The following PELI2 variants were observed in gnomAD, a reference collection of about 807,000 sequenced individuals.
The protein encoded by PELI2 is E3 ubiquitin-protein ligase pellino homolog 2.
A neutral mutation model predicts 42.3 loss-of-function variants in PELI2; 23 were observed. That is an observed-to-expected ratio of 0.54 (90% CI 0.39 to 0.77). The LOEUF is 0.77. Ranked by LOEUF, PELI2 falls within the 30% of genes least tolerant of loss-of-function variation. PELI2 has a pLI of 0.00. For missense variants in PELI2, 463 were observed against 553.2 expected (o/e 0.84, Z 1.64); for synonymous variants, 245 against 212.2 (o/e 1.15, Z -1.34).
Position 56,136,642 on chromosome 14 carries a change from G to A in PELI2, c.77+17905G>A, listed in dbSNP as rs28406672. On this transcript the variant is annotated intron_variant, in intron 1 of 5. Coordinates refer to ENST00000267460, the MANE Select transcript of PELI2 (RefSeq NM_021255.3). Reference sequence around the variant, plus strand: ...TTACATCCTCTGATGTAATTTATTAGTGTAACTTAGTGAGTGTCAGGGGTT... The same window carrying A: ...TTACATCCTCTGATGTAATTTATTAATGTAACTTAGTGAGTGTCAGGGGTT... Among the ~76,000 whole-genome samples the A allele has an allele frequency of 1.7e-3, 265 of 152,322 alleles. 1 individual carries two copies. The highest frequency in any genetic ancestry group is 6.1e-3 in the African/African-American group (254 of 41,572).
chr14:56,259,127 T>G (rs1410110695), intron 2 of PELI2, among the ~76,000 whole-genome samples: 2 of 152,104 alleles, frequency 1.3e-5, no homozygotes, highest in Admixed American at 6.6e-5. Context: ...TAGCATAAAT[T>G]TCTTCAGAAG....
intron 2 of PELI2, among the ~76,000 whole-genome samples, chr14:56,182,980 CATCACCTT>C (rs1427217217): frequency 1.8e-4 from 27 of 152,212 alleles, no homozygotes; most frequent in African/African-American, 6.3e-4. Context: ...TCGGGAGAGT[CATCACCTT>C]ATCATCAGCC....
In PELI2 at chr14:56,180,665, G is replaced by A. The variant is rs1011274163; in HGVS notation, c.207+2201G>A. 6.6e-6 allele frequency among the ~76,000 whole-genome samples: 1 copy of A among 152,108 alleles called. No individual in the cohort carries two copies. The highest frequency in any genetic ancestry group is 1.5e-5 in the Non-Finnish European group (1 of 68,026). On this transcript the variant is annotated intron_variant, in intron 2 of 5. Transcript: ENST00000267460. The surrounding 1 kb of genome is among the most constrained non-coding windows in gnomAD (Gnocchi z 4.4). ...GACTCTCAAACTCTCGTCCCGGCCA[G>A]CTGTACCCGGCCACTCCTGCTGCTT...
intron 2 of PELI2, among the ~76,000 whole-genome samples, chr14:56,188,548 T>C (rs926113475): frequency 6.6e-6 from 1 of 152,248 alleles, no homozygotes; most frequent in Non-Finnish European, 1.5e-5. Context: ...ATGTATTCAG[T>C]GTGTTAACAT....
chr14:56,133,920 A>G (rs549302481), intron 1 of PELI2, among the ~76,000 whole-genome samples: 5 of 152,362 alleles, frequency 3.3e-5, no homozygotes, highest in Admixed American at 1.3e-4. Context: ...GAACATTCTT[A>G]TAAGGATGTC....
intron 1 of PELI2, among the ~76,000 whole-genome samples, chr14:56,177,742 CAA>C (rs775466898): frequency 6.6e-6 from 1 of 152,260 alleles, no homozygotes; most frequent in East Asian, 1.9e-4. Context: ...TTTTTGCTAA[CAA>C]AAATATATTT....
chr14:56,250,235 A>G (rs777591068), intron 2 of PELI2, among the ~76,000 whole-genome samples: 29 of 152,126 alleles, frequency 1.9e-4, no homozygotes, highest in Non-Finnish European at 4.0e-4. Context: ...AAACATTTCT[A>G]TTTGTTGATG....
intron 2 of PELI2, among the ~76,000 whole-genome samples, chr14:56,187,841 G>A (rs762491675): frequency 6.6e-6 from 1 of 152,206 alleles, no homozygotes; most frequent in Admixed American, 6.5e-5. Context: ...CTCTCAGATA[G>A]GCAGCTCCCT....
Position 56,118,609 on chromosome 14 carries a change from CGCGGCGGAGGCGGCGGCGTCGGCG to C in PELI2, c.-45_-22del. The C allele has an allele frequency of 2.5e-6, 3 of 1,183,968 alleles. No homozygotes were observed. The highest frequency in any genetic ancestry group is 3.3e-6 in the Non-Finnish European group (3 of 904,230). The allele number at this position is 1,183,968 out of a possible 1,614,324, so 73.3% of individuals were successfully genotyped here. ...GCGGCGGCGCGGACTCGGCGGGGATCGCGGCGGAGGCGGCGGCGTCGGCGGCGGCGTCGGCGGCCGAGCGGGGCT... is the reference window on the plus strand; with the variant it reads ...GCGGCGGCGCGGACTCGGCGGGGATCGCGGCGTCGGCGGCCGAGCGGGGCT... On this transcript the variant is annotated 5_prime_UTR_variant, in exon 1 of 6. Coordinates refer to ENST00000267460, the MANE Select transcript of PELI2 (RefSeq NM_021255.3).
chr14:56,167,778 A>G (rs3898605), intron 1 of PELI2, among the ~76,000 whole-genome samples: 29,037 of 152,128 alleles, frequency 0.19, 5,172 homozygotes, highest in African/African-American at 0.47. Flanking sequence ...TACTTACTGT[A>G]GTCTTCACTT....
chr14:56,229,435 A>G (rs1887478805), intron 2 of PELI2, among the ~76,000 whole-genome samples: 1 of 152,218 alleles, frequency 6.6e-6, no homozygotes, highest in African/African-American at 2.4e-5. Context: ...TTGTTCTGCA[A>G]TATTTGCTGT....
intron 1 of PELI2, among the ~76,000 whole-genome samples, chr14:56,147,431 T>C (rs75305022): frequency 0.064 from 9,755 of 152,226 alleles, 435 homozygotes; most frequent in East Asian, 0.25. Flanking sequence ...GCAGCACATG[T>C]ACATGGGGAA....
intron 1 of PELI2, among the ~76,000 whole-genome samples, chr14:56,144,064 A>T (rs1392068471): frequency 1.3e-5 from 2 of 152,156 alleles, no homozygotes; most frequent in African/African-American, 4.8e-5. Flanking sequence ...GTGTGTGTGC[A>T]TGTGTATACT....
chr14:56,153,316 G>A (rs535184336), intron 1 of PELI2, among the ~76,000 whole-genome samples: 2 of 152,244 alleles, frequency 1.3e-5, no homozygotes, highest in East Asian at 1.9e-4. Context: ...GAGAGATCCC[G>A]ATCTATCTCT....
rs1422194848 is a variant in PELI2 at position 56,288,871 on chromosome 14, T to A, written c.507+237T>A. 2.6e-5 allele frequency among the ~76,000 whole-genome samples: 4 copies of A among 152,226 alleles called. No homozygotes were observed. The highest frequency in any genetic ancestry group is 2.1e-4 in the South Asian group (1 of 4,820). On this transcript the variant is annotated intron_variant, in intron 4 of 5. Coordinates refer to ENST00000267460, the MANE Select transcript of PELI2 (RefSeq NM_021255.3). The surrounding 1 kb of genome is among the most constrained non-coding windows in gnomAD (Gnocchi z 4.6). ...TAATATTTACAGTAAGTACTTTTTT[T>A]AAAGTATGCCTATAACATTGTCCAT...
chr14:56,130,060 GTT>G (rs34818835), intron 1 of PELI2, among the ~76,000 whole-genome samples: 5 of 150,170 alleles, frequency 3.3e-5, no homozygotes, highest in Non-Finnish European at 7.4e-5. Context: ...CGAGATCTGA[GTT>G]TTTTTTTTTC....
At chr14:56,242,985 C>T (rs894121896) in intron 2 of PELI2, among the ~76,000 whole-genome samples, 4 of 152,150 alleles carry the variant, frequency 2.6e-5, no homozygotes, top group Non-Finnish European at 4.4e-5. Context: ...CCACCTGTTC[C>T]CCAAAAACTA....
At chr14:56,231,597 A>G (rs1034142808) in intron 2 of PELI2, among the ~76,000 whole-genome samples, 2 of 152,250 alleles carry the variant, frequency 1.3e-5, no homozygotes, top group African/African-American at 4.8e-5. Flanking sequence ...TCTCTGGGAC[A>G]CATTTAAAGC....
At chr14:56,206,709 T>TTTTG (rs901390816) in intron 2 of PELI2, among the ~76,000 whole-genome samples, 1 of 152,196 alleles carries the variant, frequency 6.6e-6, no homozygotes. Flanking sequence ...TGATCGTTTT[T>TTTTG]TTTGTTTGTT....
Sources: gnomAD v4.1 joint callset for allele counts (sites outside exome capture counted in the v4.1 genomes callset) on GRCh38, gnomAD v4.1.1 for gene constraint, Gnocchi (gnomAD v3.1) non-coding constraint, MANE v1.5 for transcripts, NCBI Gene and HGNC (gene_info 2026-07-23, HGNC 2026-07-21) for gene names.